COL15A1: variants seen among roughly 807,000 people sequenced by gnomAD.
The protein encoded by COL15A1 is collagen type XV alpha 1 chain, also known as collagen alpha-1(XV) chain.
A neutral mutation model predicts 165.9 loss-of-function variants in COL15A1; 111 were observed. The ratio of observed to expected loss-of-function variants is 0.67; its 90% CI spans 0.57 to 0.78. The LOEUF is 0.78. Among genes scored for constraint, COL15A1 ranks in the 30% least tolerant of loss-of-function variants. COL15A1 has a pLI of 0.00. For synonymous variants in COL15A1, 659 were observed against 674.8 expected, an observed-to-expected ratio of 0.98 and a Z score of 0.36; for missense variants, 1,745 against 1,789.7, an observed-to-expected ratio of 0.98 and a Z score of 0.45.
At chr9:98,975,054 T>C (rs1367502781) in intron 2 of COL15A1, among the ~76,000 whole-genome samples, 1 of 152,108 alleles carries the variant, frequency 6.6e-6, no homozygotes, top group Non-Finnish European at 1.5e-5. Flanking sequence ...AAGCCTTCCT[T>C]GCAGTTGGTG....
rs191605254 is a variant in COL15A1 at position 98,957,252 on chromosome 9, T to C, written c.100+13002T>C. On this transcript the variant is annotated intron_variant, in intron 2 of 41. Transcript: ENST00000375001. ...CATCCTTGTTTGCTAGCTTTGAAAATAGACGAAGGGGCCACAAGCCAAGGA... is the reference window on the plus strand; with the variant it reads ...CATCCTTGTTTGCTAGCTTTGAAAACAGACGAAGGGGCCACAAGCCAAGGA... Among the ~76,000 whole-genome samples, 589 of 152,188 alleles carry C rather than the reference T, an allele frequency of 3.9e-3. 3 individuals are homozygous for C. The highest frequency in any genetic ancestry group is 0.013 in the African/African-American group (553 of 41,526).
chr9:99,015,885 C>A, intron 10 of COL15A1, 91 bp from the exon 11 acceptor site: 1 of 1,487,032 alleles, frequency 6.7e-7, no homozygotes, highest in Non-Finnish European at 9.2e-7. Context: ...TGCTTTGAAA[C>A]TGGGCTGGCA....
At chr9:99,021,065 G>A (rs1839018789) in intron 12 of COL15A1, among the ~76,000 whole-genome samples, 1 of 152,322 alleles carries the variant, frequency 6.6e-6, no homozygotes, top group East Asian at 1.9e-4. Context: ...TGTTCCCAGG[G>A]GGATGTGTCC....
In COL15A1 at chr9:98,981,279, G is replaced by A. The variant is rs993414041; in HGVS notation, c.101-4286G>A. ...TCGAGACTAGCCTGGCCAACATGGC[G>A]AAACCCCGTCTCTACTAAAAGTACA... On this transcript the variant is annotated intron_variant, in intron 2 of 41. Transcript: ENST00000375001. 4.6e-5 allele frequency among the ~76,000 whole-genome samples: 7 copies of A among 152,252 alleles called. No homozygotes were observed. The South Asian group carries it at 8.3e-4, about 18-fold the overall frequency.
chr9:98,960,016 C>T (rs576723097), intron 2 of COL15A1, among the ~76,000 whole-genome samples: 207 of 152,258 alleles, frequency 1.4e-3, no homozygotes, highest in South Asian at 3.5e-3. Context: ...CTCAGCCTGC[C>T]CTATGGAAAT....
Position 99,055,423 on chromosome 9 carries a change from C to T in COL15A1, c.3192+51C>T, listed in dbSNP as rs115739617. 2.6e-3 allele frequency: 3,032 copies of T among 1,167,426 alleles called. 45 individuals are homozygous for T. The African/African-American group carries it at 0.039, about 15-fold the overall frequency. The allele number at this position is 1,167,426 out of a possible 1,614,324, so 72.3% of individuals were successfully genotyped here. A position where few individuals can be genotyped will look rare whatever the true frequency, so the allele number is the denominator to read the frequency against. On this transcript the variant is annotated intron_variant, in intron 34 of 41. Transcript: ENST00000375001. ...CTACCCCAAAGACTTACAGCTTTCCCGGAAGCCCCCAATGGGACTAGGCAG... is the reference window on the plus strand; with the variant it reads ...CTACCCCAAAGACTTACAGCTTTCCTGGAAGCCCCCAATGGGACTAGGCAG...
intron 12 of COL15A1, among the ~76,000 whole-genome samples, chr9:99,021,276 TG>T (rs563648660): frequency 8.9e-4 from 135 of 152,190 alleles, no homozygotes; most frequent in Middle Eastern, 3.4e-3. Context: ...CACCGGGGTG[TG>T]GGGAAGGGAG....
intron 2 of COL15A1, among the ~76,000 whole-genome samples, chr9:98,968,540 C>T (rs2118829102): frequency 6.6e-6 from 1 of 152,300 alleles, no homozygotes; most frequent in East Asian, 1.9e-4. Flanking sequence ...GTCAAACCCC[C>T]TCCATGTGTC....
intron 24 of COL15A1, among the ~76,000 whole-genome samples, chr9:99,043,210 G>T (rs1159352723): frequency 6.6e-6 from 1 of 152,004 alleles, no homozygotes; most frequent in Non-Finnish European, 1.5e-5. Flanking sequence ...CCAATATCTA[G>T]TGGGCCACTG....
intron 39 of COL15A1, among the ~76,000 whole-genome samples, chr9:99,066,618 T>TTTTTTTTTTTTTTTTTTTG (rs1825898355): frequency 7.0e-6 from 1 of 142,858 alleles, no homozygotes; most frequent in Non-Finnish European, 1.5e-5. Flanking sequence ...TTTTTTTTTT[T>TTTTTTTTTTTTTTTTTTTG]TTTTTTCACC....
chr9:99,015,534 G>A lies in COL15A1; in HGVS notation c.1471G>A (p.Ala491Thr). ...CACAGATGGCCTGGCTCCCCTCACA[G>A]CCACCATGGCCCCTGAGCGGGCAGT... ...VPTDGLAPLT[A>T]TMAPERAVTS... Residue 491 changes from alanine to threonine, a missense_variant, in exon 10 of 42, where the codon GCC (alanine) becomes ACC (threonine). Physicochemically the swap from Ala to Thr is moderately conservative, Grantham distance 58. Transcript: ENST00000375001. 1 of 1,613,948 alleles carries A rather than the reference G, an allele frequency of 6.2e-7. No individual in the cohort carries two copies. The highest frequency in any genetic ancestry group is 1.7e-4 in the Middle Eastern group (1 of 5,908).
chr9:98,974,051 G>C (rs1838103134), intron 2 of COL15A1, among the ~76,000 whole-genome samples: 1 of 152,224 alleles, frequency 6.6e-6, no homozygotes, highest in African/African-American at 2.4e-5. Flanking sequence ...CAACATCTGA[G>C]AGGTCAGGAT....
At chr9:98,948,357 G>A (rs867614973) in intron 2 of COL15A1, among the ~76,000 whole-genome samples, 1 of 152,144 alleles carries the variant, frequency 6.6e-6, no homozygotes, top group Non-Finnish European at 1.5e-5. Flanking sequence ...CCAGCACTTT[G>A]GGAGGCTGGG....
At chr9:99,022,859 C>G (rs73503746) in intron 13 of COL15A1, among the ~76,000 whole-genome samples, 1 of 152,178 alleles carries the variant, frequency 6.6e-6, no homozygotes, top group Non-Finnish European at 1.5e-5. Context: ...ACTGAGGGCT[C>G]TCTGGGTGCT....
At chr9:99,040,583 T>C in intron 23 of COL15A1, 27 bp downstream of exon 23, 2 of 1,614,242 alleles carry the variant, frequency 1.2e-6, no homozygotes, top group Non-Finnish European at 1.7e-6. Context: ...CTGTCTTCTA[T>C]CTGTGCCCCG....
chr9:98,971,116 A>T (rs753177467), intron 2 of COL15A1, among the ~76,000 whole-genome samples: 2 of 152,062 alleles, frequency 1.3e-5, no homozygotes, highest in Non-Finnish European at 2.9e-5. Context: ...AGCCCTGGAA[A>T]ATACTGCTTG....
At chr9:99,015,759 G>C (rs1838922582) in intron 10 of COL15A1, among the ~76,000 whole-genome samples, 193 bp downstream of exon 10, 1 of 152,202 alleles carries the variant, frequency 6.6e-6, no homozygotes, top group Admixed American at 6.5e-5. Context: ...CTCCCTCCTA[G>C]CCTTGCCCAA....
chr9:99,010,995 C>A (rs1838839697), intron 9 of COL15A1, among the ~76,000 whole-genome samples: 1 of 152,006 alleles, frequency 6.6e-6, no homozygotes, highest in South Asian at 2.1e-4. Flanking sequence ...ATTTTTTTAG[C>A]ATCAGGCCAC....
chr9:99,060,087 A>T, intron 36 of COL15A1, 134 bp downstream of exon 36: 1 of 900,924 alleles, frequency 1.1e-6, no homozygotes, highest in Non-Finnish European at 1.6e-6. Context: ...GCAATTCCAT[A>T]AATAGTAGAA....
Sources: gnomAD v4.1 joint callset for allele counts (sites outside exome capture counted in the v4.1 genomes callset) on GRCh38, gnomAD v4.1.1 for gene constraint, MANE v1.5 for transcripts, NCBI Gene and HGNC (gene_info 2026-07-23, HGNC 2026-07-21) for gene names.